The following KNDC1 variants were observed in gnomAD, a reference collection of about 807,000 sequenced individuals.
KNDC1 encodes kinase non-catalytic C-lobe domain containing 1.
Under a neutral mutation model 172.8 loss-of-function variants are expected in KNDC1, and 106 were observed. That is an observed-to-expected ratio of 0.61 (90% CI 0.52 to 0.72). The LOEUF (loss-of-function observed/expected upper bound fraction) is 0.72, where lower values mean the gene tolerates loss of function less well. Ranked by LOEUF, KNDC1 falls within the 30% of genes least tolerant of loss-of-function variation. The pLI is 0.00. For synonymous variants in KNDC1, 1,083 were observed against 1,062.2 expected (o/e 1.02, Z -0.38); for missense variants, 2,325 against 2,394.5 (o/e 0.97, Z 0.61).
Position 133,186,169 on chromosome 10 carries a change from GC to G in KNDC1, c.823del (p.Arg275GlyfsTer50). ...CCGGTGAGAAATGGCGAGAGCCACA[GC>G]CGGGAGGGGCTGGCCGGCCTCGTCC... ...STPVRNGESHSREGLAGLVLD... is the reference protein window; with the variant it reads ...STPVRNGESHXREGLAGLVLD... On this transcript the variant is annotated frameshift_variant, in exon 6 of 30. Coordinates refer to ENST00000304613, the MANE Select transcript of KNDC1 (RefSeq NM_152643.8). LOFTEE classifies it high-confidence loss of function. The G allele has an allele frequency of 6.3e-7, 1 of 1,579,632 alleles. No homozygotes were observed. Among genetic ancestry groups the G allele is most frequent in the Non-Finnish European group, 8.6e-7 (1 of 1,162,526 alleles).
intron 5 of KNDC1, among the ~76,000 whole-genome samples, chr10:133,184,690 T>C (rs1390698134): frequency 2.0e-5 from 3 of 152,254 alleles, no homozygotes; most frequent in African/African-American, 7.2e-5. Flanking sequence ...CACACTCTCA[T>C]GTGCATCATG....
chr10:133,192,342 G>C (rs1000318661), intron 9 of KNDC1, among the ~76,000 whole-genome samples: 1 of 152,138 alleles, frequency 6.6e-6, no homozygotes, highest in Non-Finnish European at 1.5e-5. Context: ...CAGAAATAAG[G>C]CTGCACGCCT....
chr10:133,180,696 A>G (rs1420095556), intron 3 of KNDC1, among the ~76,000 whole-genome samples: 1 of 152,262 alleles, frequency 6.6e-6, no homozygotes, highest in African/African-American at 2.4e-5. Flanking sequence ...AGAAGCTGGC[A>G]ACACACACAG....
chr10:133,184,573 C>A (rs1365333888), intron 5 of KNDC1, among the ~76,000 whole-genome samples: 1 of 152,264 alleles, frequency 6.6e-6, no homozygotes, highest in Non-Finnish European at 1.5e-5. Flanking sequence ...TGCACACGCC[C>A]ACACCAGAAT....
At chr10:133,192,641 T>C (rs888856703) in intron 9 of KNDC1, among the ~76,000 whole-genome samples, 1 of 152,170 alleles carries the variant, frequency 6.6e-6, no homozygotes, top group Non-Finnish European at 1.5e-5. Context: ...ATGGAAATTT[T>C]AGAGCTGATT....
In KNDC1 at chr10:133,211,085, G is replaced by A. The variant is rs556340320; in HGVS notation, c.3909-337G>A. ...CACCAAGCAGAGGGTCCTACCGGCC[G>A]CCAGCCTCCCTCGGTACCCATGGCC... On this transcript the variant is annotated intron_variant, in intron 21 of 29. Transcript: ENST00000304613. Among the ~76,000 whole-genome samples, 6 of 152,132 alleles carry A rather than the reference G, an allele frequency of 3.9e-5. No individual in the cohort carries two copies. The East Asian group carries it at 5.8e-4, about 15-fold the overall frequency.
Position 133,167,549 on chromosome 10 carries a change from G to A in KNDC1, c.271G>A (p.Gly91Arg), listed in dbSNP as rs1013580271. Residue 91 changes from glycine to arginine, a missense_variant, in exon 2 of 30, where the codon GGG becomes AGG. By Grantham distance (125) the Gly-to-Arg change is moderately radical. Coordinates refer to ENST00000304613, the MANE Select transcript of KNDC1 (RefSeq NM_152643.8). ...CGACACCCTGGCCTTCAACACCAGC[G>A]GGAACGTGTGTTTCATGGAGCAGCT... ...TPDTLAFNTSGNVCFMEQLSD... is the reference protein window; with the variant it reads ...TPDTLAFNTSRNVCFMEQLSD... 6.9e-6 allele frequency: 11 copies of A among 1,600,934 alleles called. No individual in the cohort carries two copies. The highest frequency in any genetic ancestry group is 2.7e-5 in the African/African-American group (2 of 74,702).
intron 17 of KNDC1, among the ~76,000 whole-genome samples, chr10:133,203,562 G>A (rs891941251): frequency 5.9e-5 from 9 of 152,354 alleles, no homozygotes; most frequent in East Asian, 1.9e-4. Flanking sequence ...TCCCTTCAGC[G>A]CTGACCCCCA....
chr10:133,213,646 A>G lies in KNDC1; in HGVS notation c.4445A>G (p.Glu1482Gly), dbSNP rs776753338. 6.2e-7 allele frequency: 1 copy of G among 1,613,754 alleles called. No homozygotes were observed. Among genetic ancestry groups the G allele is most frequent in the Non-Finnish European group, 8.5e-7 (1 of 1,179,730 alleles). ...CTCTTGTTTCCATGTTCTGGGCAGGAGTTGTTTCAAAAGTGCCACCCGGTC... is the reference window on the plus strand; with the variant it reads ...CTCTTGTTTCCATGTTCTGGGCAGGGGTTGTTTCAAAAGTGCCACCCGGTC... Reference protein sequence around the residue: ...LFSQLTLLQQELFQKCHPVHF... With the variant: ...LFSQLTLLQQGLFQKCHPVHF... Residue 1482 changes from glutamate (E) to glycine (G), a missense_variant and splice_region_variant, in exon 25 of 30, where the codon GAG becomes GGG. Coordinates refer to ENST00000304613, the MANE Select transcript of KNDC1 (RefSeq NM_152643.8).
chr10:133,196,225 A>AC (rs1290900658), intron 10 of KNDC1, among the ~76,000 whole-genome samples: 103 of 29,440 alleles, frequency 3.5e-3, no homozygotes, highest in African/African-American at 0.013. Flanking sequence ...CCGAACCCCC[A>AC]CCTCCTCTGA....
chr10:133,179,176 T>G (rs1853642420), intron 3 of KNDC1: 1 of 152,266 alleles, frequency 6.6e-6, no homozygotes, highest in Non-Finnish European at 1.5e-5. Context: ...TCTGCTGGGC[T>G]CTGACCCACT....
rs1287135657 is a variant in KNDC1, at chr10:133,167,317, G to A, written c.103-64G>A. The A allele has an allele frequency of 1.9e-5, 28 of 1,470,590 alleles. No homozygotes were observed. The Admixed American group carries it at 2.3e-4, about 12-fold the overall frequency. 91.1% of individuals were successfully genotyped at this position (1,470,590 alleles called of 1,614,324 possible). Reference sequence around the variant, plus strand: ...GTCCGTTTCCCCAGGGAATCGTCTCGGTGGGGGTGCCGGGGCCTGGCTGGG... The same window carrying A: ...GTCCGTTTCCCCAGGGAATCGTCTCAGTGGGGGTGCCGGGGCCTGGCTGGG... On this transcript the variant is annotated intron_variant, in intron 1 of 29. Transcript: ENST00000304613.
intron 3 of KNDC1, 65 bp from the exon 4 acceptor site, chr10:133,183,279 G>A (rs1368521407): frequency 6.7e-7 from 1 of 1,482,892 alleles, no homozygotes; most frequent in Non-Finnish European, 9.0e-7. Context: ...CCGGAGAAGT[G>A]CTGGCCGCGG....
At chr10:133,219,801 CG>C (rs1845544333) in intron 28 of KNDC1, among the ~76,000 whole-genome samples, 153 bp from the exon 29 acceptor site, 6 of 152,224 alleles carry the variant, frequency 3.9e-5, no homozygotes, top group Admixed American at 3.9e-4. Flanking sequence ...CAGGAACATT[CG>C]GGACTGGAAG....
chr10:133,168,348 T>G (rs1853252464), intron 3 of KNDC1, 36 bp downstream of exon 3: 1 of 1,579,114 alleles, frequency 6.3e-7, no homozygotes, highest in Non-Finnish European at 8.7e-7. Flanking sequence ...CACACCCCCC[T>G]TTTACCTCTA....
intron 11 of KNDC1, 94 bp from the exon 12 acceptor site, chr10:133,197,581 G>C: frequency 2.2e-6 from 2 of 919,088 alleles, no homozygotes; most frequent in South Asian, 1.4e-5. Flanking sequence ...GAAGCTCCAC[G>C]GCACCGGCGG....
At chr10:133,210,364 CAAAAAAAAAAA>C (rs57759593) in intron 20 of KNDC1, among the ~76,000 whole-genome samples, 13 of 74,468 alleles carry the variant, frequency 1.7e-4, no homozygotes, top group East Asian at 5.8e-4. Flanking sequence ...GAAACTCTGC[CAAAAAAAAAAA>C]AAAAAAAAAA....
chr10:133,213,941 G>C (rs749470870), intron 25 of KNDC1, 31 bp from the exon 26 acceptor site: 2 of 1,613,544 alleles, frequency 1.2e-6, no homozygotes, highest in South Asian at 2.2e-5. Context: ...CACAAGTCCT[G>C]GGGGTGACAG....
chr10:133,178,553 G>C (rs1269220638), intron 3 of KNDC1, among the ~76,000 whole-genome samples: 1 of 152,092 alleles, frequency 6.6e-6, no homozygotes, highest in African/African-American at 2.4e-5. Flanking sequence ...CTCCCAGCCT[G>C]GGTGGGTATG....
Sources: allele counts gnomAD v4.1 joint callset (sites outside exome capture counted in the v4.1 genomes callset), GRCh38; gene constraint gnomAD v4.1.1; transcripts MANE v1.5; gene names NCBI Gene and HGNC (gene_info 2026-07-23, HGNC 2026-07-21).